TAB2: variants seen among roughly 807,000 people sequenced by gnomAD.
TAB2 encodes TGF-beta activated kinase 1 (MAP3K7) binding protein 2.
A neutral mutation model predicts 65.0 loss-of-function variants in TAB2; 3 were observed. That is an observed-to-expected ratio of 0.05 (90% CI 0.02 to 0.12). TAB2 has a LOEUF of 0.12. Ranked by LOEUF, TAB2 falls within the 10% of genes least tolerant of loss-of-function variation. TAB2 has a pLI of 1.00. For missense variants in TAB2, 623 were observed against 840.3 expected, an observed-to-expected ratio of 0.74 and a Z score of 3.20; for synonymous variants, 298 against 285.1, an observed-to-expected ratio of 1.05 and a Z score of -0.46.
At position 149,370,316 on chromosome 6, in the gene TAB2, G is replaced by A. The variant is rs147733215; in HGVS notation, c.102+217G>A. ...AATACTTGACTTGTAGAGTAGATGT[G>A]AGAGTTAAATGAGATCTGAATGTAA... On this transcript the variant is annotated intron_variant, in intron 2 of 6. Transcript: ENST00000637181. Among the ~76,000 whole-genome samples, 17 of 152,284 alleles carry A rather than the reference G, an allele frequency of 1.1e-4. No individual in the cohort carries two copies. In the East Asian group the frequency reaches 3.3e-3, roughly 29 times the overall value.
At chr6:149,386,561 C>T (rs1415582821) in intron 3 of TAB2, among the ~76,000 whole-genome samples, 1 of 152,230 alleles carries the variant, frequency 6.6e-6, no homozygotes, top group Non-Finnish European at 1.5e-5. Flanking sequence ...TTTCATGACT[C>T]ATCTATGGTA....
intron 1 of TAB2, among the ~76,000 whole-genome samples, chr6:149,254,010 GAA>G (rs1245029912): frequency 2.2e-5 from 3 of 137,258 alleles, no homozygotes; most frequent in African/African-American, 8.1e-5. Context: ...AAGAAAGAAA[GAA>G]AGAAAGAAAG....
chr6:149,376,362 T>G (rs1342037646), intron 2 of TAB2, among the ~76,000 whole-genome samples: 1 of 152,214 alleles, frequency 6.6e-6, no homozygotes, highest in Non-Finnish European at 1.5e-5. Flanking sequence ...GTGACTTATT[T>G]TTCAAAACTC....
chr6:149,246,264 T>C (rs996797034), intron 1 of TAB2: 6 of 152,338 alleles, frequency 3.9e-5, no homozygotes, highest in African/African-American at 1.4e-4. Flanking sequence ...TCAAGGGAAA[T>C]GGCTCCCTAG....
chr6:149,389,800 T>G (rs1371222289), intron 3 of TAB2, among the ~76,000 whole-genome samples: 3 of 152,198 alleles, frequency 2.0e-5, no homozygotes, highest in Non-Finnish European at 4.4e-5. Flanking sequence ...GATTATATCT[T>G]AATGCTGTAA....
At chr6:149,406,462 A>C (rs1269003030) in intron 6 of TAB2, among the ~76,000 whole-genome samples, 1 of 152,226 alleles carries the variant, frequency 6.6e-6, no homozygotes, top group Non-Finnish European at 1.5e-5. Context: ...GCAGTTGTTC[A>C]CATGTCTACA....
intron 1 of TAB2, chr6:149,243,362 A>G (rs1167768924): frequency 6.6e-6 from 1 of 152,232 alleles, no homozygotes; most frequent in Non-Finnish European, 1.5e-5. Flanking sequence ...TTCTGCTTTA[A>G]AATCTGTGAC....
chr6:149,295,201 G>A (rs481651), intron 1 of TAB2, among the ~76,000 whole-genome samples: 61,204 of 151,956 alleles, frequency 0.4, 13,916 homozygotes, highest in African/African-American at 0.63. Flanking sequence ...TAGAGCTGCC[G>A]GTGAAGCTAT....
chr6:149,340,096 A>G (rs1780068810), intron 1 of TAB2, among the ~76,000 whole-genome samples: 1 of 152,180 alleles, frequency 6.6e-6, no homozygotes, highest in Non-Finnish European at 1.5e-5. Context: ...GCTCCTTTCA[A>G]CATCAAATCT....
At chr6:149,239,193 A>G (rs11966037) in intron 1 of TAB2, among the ~76,000 whole-genome samples, 49,996 of 152,130 alleles carry the variant, frequency 0.33, 8,254 homozygotes, top group Admixed American at 0.4. Flanking sequence ...TGAGGCTGGC[A>G]TGTCTGGCTG....
intron 1 of TAB2, among the ~76,000 whole-genome samples, chr6:149,235,579 G>T (rs79562750): frequency 0.016 from 2,362 of 152,286 alleles, 67 homozygotes; most frequent in African/African-American, 0.055. Flanking sequence ...GAACATGAAG[G>T]AGTTCACCAT....
chr6:149,403,245 AAAATATATATATATATAT>A (rs1339351250), intron 6 of TAB2, among the ~76,000 whole-genome samples: 21 of 47,172 alleles, frequency 4.5e-4, no homozygotes, highest in South Asian at 7.9e-4. Flanking sequence ...AAAAAAAAAA[AAAATATATATATATATAT>A]ATATATATAT....
intron 1 of TAB2, among the ~76,000 whole-genome samples, chr6:149,354,525 TA>T (rs1318652647): frequency 6.6e-6 from 1 of 152,306 alleles, no homozygotes; most frequent in East Asian, 1.9e-4. Flanking sequence ...ATATATTAAA[TA>T]AAATAGGTTT....
intron 3 of TAB2, among the ~76,000 whole-genome samples, chr6:149,383,334 C>T (rs1781680990): frequency 6.6e-6 from 1 of 152,152 alleles, no homozygotes; most frequent in Admixed American, 6.5e-5. Flanking sequence ...CAGGTTTCTC[C>T]AGAATCTGCC....
chr6:149,359,451 T>C (rs1780774550), intron 1 of TAB2, among the ~76,000 whole-genome samples: 1 of 152,218 alleles, frequency 6.6e-6, no homozygotes, highest in Admixed American at 6.5e-5. Flanking sequence ...TTCCCACTCA[T>C]GGCTCTAGTG....
Position 149,265,155 on chromosome 6 carries a change from GA to G in TAB2, c.-121+46386del, listed in dbSNP as rs566130015. ...TTTTGACTCATTTGAAATAATGCTG[GA>G]AAAAAATGCGTTTTAAATGACAAGA... On this transcript the variant is annotated intron_variant, in intron 1 of 1. Transcript: ENST00000606202. 2.2e-4 allele frequency among the ~76,000 whole-genome samples: 32 copies of G among 148,398 alleles called. No individual in the cohort carries two copies. In the East Asian group the frequency reaches 5.3e-3, roughly 24 times the overall value.
Position 149,349,974 on chromosome 6 carries a change from G to A in TAB2, c.-89-19935G>A, listed in dbSNP as rs192013617. 4.6e-5 allele frequency among the ~76,000 whole-genome samples: 7 copies of A among 152,078 alleles called. No individual in the cohort carries two copies. In the East Asian group the frequency reaches 5.8e-4, roughly 13 times the overall value. ...AGAGATGGAGTCTCACTCTGTCGCC[G>A]AGGCAAGAGTGCAGTGGCGCAATCT... On this transcript the variant is annotated intron_variant, in intron 1 of 6. Coordinates refer to ENST00000637181, the MANE Select transcript of TAB2 (RefSeq NM_001292034.3).
intron 1 of TAB2, among the ~76,000 whole-genome samples, chr6:149,323,825 T>C (rs1179360819): frequency 2.6e-5 from 4 of 152,210 alleles, no homozygotes; most frequent in Non-Finnish European, 5.9e-5. Flanking sequence ...ACAAATAGGA[T>C]GAAAAGTATT....
intron 1 of TAB2, among the ~76,000 whole-genome samples, chr6:149,242,574 G>A (rs1777623755): frequency 6.6e-6 from 1 of 152,146 alleles, no homozygotes; most frequent in Admixed American, 6.5e-5. Context: ...CTCTGAGGTT[G>A]AGCTTCCAAA....
Sources: gnomAD v4.1 joint callset for allele counts (sites outside exome capture counted in the v4.1 genomes callset) on GRCh38, gnomAD v4.1.1 for gene constraint, MANE v1.5 for transcripts, NCBI Gene and HGNC (gene_info 2026-07-23, HGNC 2026-07-21) for gene names.